DAPK1: variants seen among roughly 807,000 people sequenced by gnomAD.
The protein encoded by DAPK1 is death associated protein kinase 1, also known as death-associated protein kinase 1.
DAPK1 carries 56 observed loss-of-function variants against 144.9 expected under a neutral mutation model. The observed-to-expected ratio is 0.39, with a 90% CI of 0.31 to 0.48. DAPK1 has a LOEUF of 0.48. Among genes scored for constraint, DAPK1 ranks in the 20% least tolerant of loss-of-function variants. DAPK1 has a pLI of 0.95. For synonymous variants in DAPK1, 690 were observed against 749.0 expected (o/e 0.92, Z 1.29); for missense variants, 1,454 against 1,875.4 (o/e 0.78, Z 4.15).
intron 3 of DAPK1, among the ~76,000 whole-genome samples, chr9:87,615,601 C>T (rs971392455): frequency 5.9e-5 from 9 of 152,236 alleles, no homozygotes; most frequent in African/African-American, 2.2e-4. Flanking sequence ...GGCACTTGCA[C>T]TTAGGCATGG....
chr9:87,665,648 T>C (rs1354980402), intron 18 of DAPK1, among the ~76,000 whole-genome samples: 1 of 152,178 alleles, frequency 6.6e-6, no homozygotes, highest in Non-Finnish European at 1.5e-5. Context: ...AGCATGTCTG[T>C]GAAGGGCAGG....
chr9:87,536,978 A>G (rs1478172157), intron 2 of DAPK1, among the ~76,000 whole-genome samples: 2 of 151,316 alleles, frequency 1.3e-5, no homozygotes, highest in African/African-American at 4.9e-5. Flanking sequence ...TATTGGAGAC[A>G]TGAAGTTTTC....
intron 3 of DAPK1, among the ~76,000 whole-genome samples, chr9:87,623,077 G>A (rs980178038): frequency 6.6e-6 from 1 of 152,086 alleles, no homozygotes; most frequent in African/African-American, 2.4e-5. Context: ...CACATAAGGG[G>A]CCCACTAGGA....
At chr9:87,664,066 G>A (rs920241855) in intron 18 of DAPK1, among the ~76,000 whole-genome samples, 5 of 151,856 alleles carry the variant, frequency 3.3e-5, no homozygotes, top group African/African-American at 1.2e-4. Context: ...CCTGCCCCTT[G>A]GGACCAGTCC....
At position 87,707,225 on chromosome 9, in the gene DAPK1, G is replaced by A. The variant is rs1825674556; in HGVS notation, c.4154G>A (p.Arg1385His). ...TLMSKLRELG[R>H]RDAADFLLKA... ...ATGTCCAAACTGAGGGAGCTGGGTC[G>A]CCGGGATGCCGCAGACTTTTTGCTG... The change falls in exon 26 of 26, where the codon CGC becomes CAC. Residue 1385 changes from arginine to histidine, a missense_variant. By Grantham distance (29) the Arg-to-His change is conservative. This residue lies in a region of DAPK1 where 1,025 missense variants were observed against 1,237.9 expected (regional missense o/e 0.83). Coordinates refer to ENST00000408954, the MANE Select transcript of DAPK1 (RefSeq NM_004938.4). The surrounding 1 kb of genome is among the most constrained non-coding windows in gnomAD (Gnocchi z 4.0). The A allele has an allele frequency of 1.9e-6, 3 of 1,614,158 alleles. No individual in the cohort carries two copies. The highest frequency in any genetic ancestry group is 1.7e-6 in the Non-Finnish European group (2 of 1,180,030).
chr9:87,563,331 C>A (rs77524270), intron 2 of DAPK1, among the ~76,000 whole-genome samples: 1 of 152,116 alleles, frequency 6.6e-6, no homozygotes, highest in African/African-American at 2.4e-5. Context: ...TTTTAAGCTC[C>A]TTGAATGCTT....
At position 87,708,412 on chromosome 9, in the gene DAPK1, T is replaced by C. The variant is rs1487999206; in HGVS notation, c.*1048T>C. 6.5e-6 allele frequency: 1 copy of C among 152,952 alleles called. No individual in the cohort carries two copies. Among genetic ancestry groups the C allele is most frequent in the East Asian group, 1.9e-4 (1 of 5,200 alleles). The allele number at this position is 152,952 out of a possible 1,614,324, so 9.5% of individuals were successfully genotyped here. ...AAAGGAAGCAAGTTTTCTTCCATGA[T>C]TTTAAATTGTGATCGAGTTTTAAAT... On this transcript the variant is annotated 3_prime_UTR_variant, in exon 26 of 26. Coordinates refer to ENST00000408954, the MANE Select transcript of DAPK1 (RefSeq NM_004938.4).
intron 2 of DAPK1, among the ~76,000 whole-genome samples, chr9:87,596,001 T>C (rs77706862): frequency 6.8e-6 from 1 of 146,072 alleles, no homozygotes; most frequent in African/African-American, 2.6e-5. Flanking sequence ...ACCGCTTTGC[T>C]TTTTTTTTTG....
chr9:87,703,818 G>T (rs148437583), intron 25 of DAPK1, among the ~76,000 whole-genome samples: 3 of 152,220 alleles, frequency 2.0e-5, no homozygotes, highest in Non-Finnish European at 2.9e-5. Flanking sequence ...GCACCAGGGC[G>T]CGGTTTGGAA....
At position 87,689,259 on chromosome 9, in the gene DAPK1, A is replaced by G. The variant is rs145804253; in HGVS notation, c.2413+2520A>G. On this transcript the variant is annotated intron_variant, in intron 21 of 25. Coordinates refer to ENST00000408954, the MANE Select transcript of DAPK1 (RefSeq NM_004938.4). ...TGGGTGGCTGTAGGTGTGCAGCTTT[A>G]TTTCTGGGTTATCTATTCTGTTCCA... Among the ~76,000 whole-genome samples the G allele has an allele frequency of 2.6e-5, 4 of 151,694 alleles. No homozygotes were observed. The East Asian group carries it at 7.8e-4, about 30-fold the overall frequency.
At chr9:87,516,416 C>A (rs1025454596) in intron 2 of DAPK1, among the ~76,000 whole-genome samples, 27 of 152,138 alleles carry the variant, frequency 1.8e-4, no homozygotes, top group African/African-American at 6.3e-4. Flanking sequence ...ACTGAGCAGG[C>A]CTCATGAGTC....
At chr9:87,546,984 C>G (rs1826273240) in intron 2 of DAPK1, among the ~76,000 whole-genome samples, 1 of 152,036 alleles carries the variant, frequency 6.6e-6, no homozygotes, top group African/African-American at 2.4e-5. Flanking sequence ...TGGCAAAACC[C>G]CGTCTCTACA....
At chr9:87,658,266 C>T (rs36215048) in intron 18 of DAPK1, 139 bp downstream of exon 18, 69,197 of 598,174 alleles carry the variant, frequency 0.12, 4,881 homozygotes, top group Admixed American at 0.24. Context: ...TCCTCCACTG[C>T]GGTAACATAG....
At chr9:87,589,886 T>C (rs1254479004) in intron 2 of DAPK1, among the ~76,000 whole-genome samples, 1 of 152,194 alleles carries the variant, frequency 6.6e-6, no homozygotes, top group Non-Finnish European at 1.5e-5. Flanking sequence ...ATCTACCATA[T>C]GGTGATTCAC....
chr9:87,498,903 G>T (rs1824290686), intron 1 of DAPK1, 67 bp from the exon 2 acceptor site: 4 of 552,876 alleles, frequency 7.2e-6, no homozygotes, highest in Non-Finnish European at 9.9e-6. Context: ...CTTAGCGCCG[G>T]GGAGGTCTAC....
At chr9:87,584,672 G>GTGTA (rs1170057765) in intron 2 of DAPK1, among the ~76,000 whole-genome samples, 2 of 138,070 alleles carry the variant, frequency 1.4e-5, no homozygotes, top group Non-Finnish European at 3.3e-5. Context: ...CATTGTGTGT[G>GTGTA]TGTGTGTGTG....
intron 2 of DAPK1, among the ~76,000 whole-genome samples, chr9:87,579,921 T>C (rs1827692529): frequency 6.6e-6 from 1 of 152,186 alleles, no homozygotes; most frequent in Non-Finnish European, 1.5e-5. Flanking sequence ...GATCAAGGTT[T>C]TCTAAAGCTT....
At chr9:87,698,842 C>T (rs1423783952) in intron 23 of DAPK1, 48 bp downstream of exon 23, 1 of 1,205,536 alleles carries the variant, frequency 8.3e-7, no homozygotes, top group South Asian at 1.2e-5. Context: ...CCTCCTCTCC[C>T]TGAGAACTGA....
intron 21 of DAPK1, among the ~76,000 whole-genome samples, chr9:87,696,525 GGGCGT>G (rs1825265667): frequency 6.6e-6 from 1 of 152,172 alleles, no homozygotes; most frequent in South Asian, 2.1e-4. Context: ...GAAGTTCAAG[GGGCGT>G]GGCACCAGCA....
Sources: gnomAD v4.1 joint callset for allele counts (sites outside exome capture counted in the v4.1 genomes callset) on GRCh38, gnomAD v4.1.1 for gene constraint, gnomAD v4.1.1 regional missense constraint, Gnocchi (gnomAD v3.1) non-coding constraint, MANE v1.5 for transcripts, NCBI Gene and HGNC (gene_info 2026-07-23, HGNC 2026-07-21) for gene names.